LRRC7: variants seen among roughly 807,000 people sequenced by gnomAD.
The protein encoded by LRRC7 is leucine rich repeat containing 7.
In LRRC7, 23 loss-of-function variants were observed where a neutral mutation model predicts 175.7. The ratio of observed to expected loss-of-function variants is 0.13; its 90% CI spans 0.09 to 0.19. The LOEUF (loss-of-function observed/expected upper bound fraction) is 0.19. Ranked by LOEUF, LRRC7 falls within the 10% of genes least tolerant of loss-of-function variation. The pLI is 1.00. For missense variants in LRRC7, 1,354 were observed against 1,904.7 expected (o/e 0.71, Z 5.38); for synonymous variants, 685 against 680.9 (o/e 1.01, Z -0.09).
chr1:70,030,714 C>CA (rs951522847), intron 18 of LRRC7, among the ~76,000 whole-genome samples: 3 of 151,590 alleles, frequency 2.0e-5, no homozygotes, highest in Non-Finnish European at 2.9e-5. Context: ...AGAAAACCCC[C>CA]AAAAAAAGAA....
At chr1:69,618,776 A>G (rs1650085454) in intron 1 of LRRC7, among the ~76,000 whole-genome samples, 1 of 152,166 alleles carries the variant, frequency 6.6e-6, no homozygotes, top group African/African-American at 2.4e-5. Flanking sequence ...CTTCGCCTAA[A>G]GCTATAGGAT....
chr1:70,113,056 C>A (rs181852452), intron 26 of LRRC7, among the ~76,000 whole-genome samples: 28 of 152,120 alleles, frequency 1.8e-4, no homozygotes, highest in African/African-American at 6.7e-4. Context: ...GGGGAGACAG[C>A]GAGCAAGATA....
At chr1:69,801,086 A>T (rs1340565554) in intron 4 of LRRC7, among the ~76,000 whole-genome samples, 1 of 151,444 alleles carries the variant, frequency 6.6e-6, no homozygotes, top group Non-Finnish European at 1.5e-5. Context: ...AATAAAACCA[A>T]CTTGATCTTT....
intron 7 of LRRC7, among the ~76,000 whole-genome samples, chr1:69,907,293 C>T (rs1646350318): frequency 1.3e-5 from 2 of 152,128 alleles, no homozygotes; most frequent in South Asian, 4.1e-4. Flanking sequence ...ATTTCCAACA[C>T]TATGTTGAAT....
chr1:70,114,591 G>A (rs1424232565), intron 26 of LRRC7, among the ~76,000 whole-genome samples: 3 of 152,152 alleles, frequency 2.0e-5, no homozygotes, highest in African/African-American at 7.2e-5. Context: ...AAGAGGCTGA[G>A]GTAGGAGGAT....
chr1:69,587,807 C>T (rs1416648153), intron 1 of LRRC7, among the ~76,000 whole-genome samples: 1 of 152,124 alleles, frequency 6.6e-6, no homozygotes, highest in Non-Finnish European at 1.5e-5. Context: ...GTAAGACGTG[C>T]CTTGCTTCCC....
chr1:69,854,215 T>G (rs940801760), intron 7 of LRRC7, among the ~76,000 whole-genome samples: 1 of 152,152 alleles, frequency 6.6e-6, no homozygotes, highest in Non-Finnish European at 1.5e-5. Context: ...AACAGGAACA[T>G]GGAACCAAGC....
At chr1:69,931,379 G>T in intron 7 of LRRC7, 128 bp from the exon 8 acceptor site, 1 of 666,912 alleles carries the variant, frequency 1.5e-6, no homozygotes, top group Non-Finnish European at 2.7e-6. Flanking sequence ...TTTACTTGTT[G>T]CTGAAGAGTA....
At chr1:70,068,307 A>G (rs1328707236) in intron 23 of LRRC7, among the ~76,000 whole-genome samples, 1 of 152,132 alleles carries the variant, frequency 6.6e-6, no homozygotes, top group Non-Finnish European at 1.5e-5. Flanking sequence ...CACTTTCATC[A>G]TGAATGGATG....
intron 23 of LRRC7, among the ~76,000 whole-genome samples, chr1:70,063,587 T>G (rs1403914378): frequency 6.6e-6 from 1 of 152,038 alleles, no homozygotes; most frequent in Non-Finnish European, 1.5e-5. Context: ...CAGATAGAGA[T>G]GTCAAAATGA....
intron 11 of LRRC7, among the ~76,000 whole-genome samples, chr1:70,009,961 C>G (rs913931249): frequency 1.3e-5 from 2 of 152,118 alleles, no homozygotes; most frequent in East Asian, 1.9e-4. Context: ...AATTTTCAAC[C>G]CTTAGTGAGT....
At position 69,789,436 on chromosome 1, in the gene LRRC7, T is replaced by C. The variant is rs552201167; in HGVS notation, c.304-2607T>C. Among the ~76,000 whole-genome samples, 9 of 152,252 alleles carry C rather than the reference T, an allele frequency of 5.9e-5. No individual in the cohort carries two copies. The South Asian group carries it at 8.3e-4, about 14-fold the overall frequency. ...ATTATATTTGCCATATTCTACTATA[T>C]TGAAGAATTACATGTATTTTATAAT... On this transcript the variant is annotated intron_variant, in intron 3 of 26. Transcript: ENST00000651989.
chr1:69,887,619 G>A (rs890627571), intron 7 of LRRC7, among the ~76,000 whole-genome samples: 9 of 152,162 alleles, frequency 5.9e-5, no homozygotes, highest in South Asian at 2.1e-4. Flanking sequence ...CTCTCAGCTC[G>A]CCAAAGTCAT....
intron 12 of LRRC7, 99 bp from the exon 13 acceptor site, chr1:70,012,875 A>G (rs1436952305): frequency 1.8e-6 from 1 of 540,580 alleles, no homozygotes; most frequent in Admixed American, 4.0e-5. Context: ...AAAGTTAAAA[A>G]TAAGAAAATC....
intron 3 of LRRC7, among the ~76,000 whole-genome samples, chr1:69,767,669 A>G (rs1671772846): frequency 6.6e-6 from 1 of 151,992 alleles, no homozygotes; most frequent in Non-Finnish European, 1.5e-5. Context: ...TGTATATTGT[A>G]CAAGCTGTTC....
At chr1:69,845,507 T>G (rs1402315402) in intron 7 of LRRC7, among the ~76,000 whole-genome samples, 1 of 152,106 alleles carries the variant, frequency 6.6e-6, no homozygotes, top group Non-Finnish European at 1.5e-5. Flanking sequence ...TATAATAGAT[T>G]TGTTATGTTT....
intron 23 of LRRC7, among the ~76,000 whole-genome samples, chr1:70,074,079 G>T (rs1662591475): frequency 1.3e-5 from 2 of 152,068 alleles, no homozygotes; most frequent in Admixed American, 1.3e-4. Context: ...ATGCAGGCCT[G>T]TAATCCCAGC....
At chr1:69,740,309 G>A (rs919945968) in intron 2 of LRRC7, among the ~76,000 whole-genome samples, 7 of 152,030 alleles carry the variant, frequency 4.6e-5, no homozygotes, top group Non-Finnish European at 8.8e-5. Flanking sequence ...TTCTTGCTGT[G>A]TCCTCATGGG....
At chr1:69,875,584 TA>T (rs1685968361) in intron 7 of LRRC7, among the ~76,000 whole-genome samples, 1 of 152,070 alleles carries the variant, frequency 6.6e-6, no homozygotes, top group African/African-American at 2.4e-5. Context: ...TAAGTGATTG[TA>T]AATTCATTCA....
Sources: allele counts gnomAD v4.1 joint callset (sites outside exome capture counted in the v4.1 genomes callset), GRCh38; gene constraint gnomAD v4.1.1; transcripts MANE v1.5; gene names NCBI Gene and HGNC (gene_info 2026-07-23, HGNC 2026-07-21).